MYO19: variants seen among roughly 807,000 people sequenced by gnomAD.
The protein encoded by MYO19 is unconventional myosin-XIX.
A neutral mutation model predicts 129.2 loss-of-function variants in MYO19; 132 were observed. The observed-to-expected ratio is 1.02, with a 90% CI of 0.89 to 1.18. The LOEUF is 1.18. Ranked by LOEUF, MYO19 falls within the 50% of genes most tolerant of loss-of-function variation. MYO19 has a pLI of 0.00. For missense variants in MYO19, 1,210 were observed against 1,216.7 expected (o/e 0.99, Z 0.08); for synonymous variants, 531 against 477.2 (o/e 1.11, Z -1.47).
Position 36,528,098 on chromosome 17 carries a change from G to C in MYO19, c.117C>G (p.Asp39Glu). 1 of 1,613,968 alleles carries C rather than the reference G, an allele frequency of 6.2e-7. No individual in the cohort carries two copies. Among genetic ancestry groups the C allele is most frequent in the Non-Finnish European group, 8.5e-7 (1 of 1,179,854 alleles). The change falls in exon 4 of 26, where the codon GAC (aspartate) becomes GAG (glutamate). Residue 39 changes from aspartate to glutamate, a missense_variant. Physicochemically the swap from Asp to Glu is conservative, Grantham distance 45. Coordinates refer to ENST00000614623, the MANE Select transcript of MYO19 (RefSeq NM_001163735.2). ...GGEVLLYKLD[D>E]LTRVNPVTLE... is the part of the protein sequence containing the mutation. ...GTGTCACAGGATTCACCCTGGTGAG[G>C]TCATCCAGTTTGTACAGCAGGACCT...
At chr17:36,496,744 G>A (rs1342641209) in intron 25 of MYO19, among the ~76,000 whole-genome samples, 1 of 152,086 alleles carries the variant, frequency 6.6e-6, no homozygotes, top group African/African-American at 2.4e-5. Flanking sequence ...ATGGAAATTT[G>A]GTGTTTCCTT....
chr17:36,527,685 G>C lies in MYO19; in HGVS notation c.166C>G (p.Gln56Glu). ...AATGTGTCTGCCATGTACCGGGCCT[G>C]CAGGCACCTCAGGACTGAGGCAGAG... The part of the protein sequence containing the change: ...VTLETVLRCL[Q>E]ARYMADTFYT... Residue 56 changes from glutamine to glutamate, a missense_variant, in exon 5 of 26, where the codon CAG becomes GAG. Gln to Glu is a conservative substitution (Grantham distance 29, BLOSUM62 2). Transcript: ENST00000614623. The C allele has an allele frequency of 2.5e-6, 4 of 1,613,086 alleles. No homozygotes were observed. The highest frequency in any genetic ancestry group is 3.4e-6 in the Non-Finnish European group (4 of 1,179,494).
chr17:36,505,243 G>C lies in MYO19; in HGVS notation c.1905+54C>G, dbSNP rs2071799623. ...GATGTCCTGCCCTTCATCTCTCCAG[G>C]GCCTTGGCCAGATGGGGTTTGGTGC... On this transcript the variant is annotated intron_variant, in intron 19 of 25. Coordinates refer to ENST00000614623, the MANE Select transcript of MYO19 (RefSeq NM_001163735.2). The C allele has an allele frequency of 7.4e-6, 11 of 1,478,694 alleles. No individual in the cohort carries two copies. The South Asian group carries it at 1.2e-4, about 17-fold the overall frequency. The allele number at this position is 1,478,694 out of a possible 1,614,324, so 91.6% of individuals were successfully genotyped here.
intron 5 of MYO19, among the ~76,000 whole-genome samples, chr17:36,525,988 C>T (rs1436778088): frequency 6.6e-6 from 1 of 152,206 alleles, no homozygotes; most frequent in African/African-American, 2.4e-5. Flanking sequence ...GATACCTCAT[C>T]ACGCATGAAC....
At chr17:36,533,252 C>G (rs1045292442) in intron 2 of MYO19, 2 of 152,482 alleles carry the variant, frequency 1.3e-5, no homozygotes, top group African/African-American at 4.8e-5. Context: ...AAGTACGAAT[C>G]TGAGTATTCA....
intron 20 of MYO19, 141 bp from the exon 21 acceptor site, chr17:36,503,341 T>A: frequency 1.4e-6 from 1 of 713,936 alleles, no homozygotes; most frequent in African/African-American, 1.8e-5. Context: ...CCCCACTGAA[T>A]GTGAATGTGG....
chr17:36,505,264 G>A, intron 19 of MYO19, 33 bp downstream of exon 19: 3 of 1,576,000 alleles, frequency 1.9e-6, no homozygotes, highest in Non-Finnish European at 2.6e-6. Context: ...GATGGGGTTT[G>A]GTGCGAAGCA....
rs374264952 is a variant in MYO19 at position 36,507,430 on chromosome 17, C to G, written c.1436G>C (p.Ser479Thr). 1.2e-6 allele frequency: 2 copies of G among 1,613,660 alleles called. No homozygotes were observed. The highest frequency in any genetic ancestry group is 1.7e-6 in the Non-Finnish European group (2 of 1,179,848). Residue 479 changes from serine (S) to threonine (T), a missense_variant, in exon 16 of 26, where the codon AGC becomes ACC. By Grantham distance (58) the Ser-to-Thr change is moderately conservative. Transcript: ENST00000614623. ...NQPCLDLIEG[S>T]PISICSLINE... ...TATGAGGGAGCAGATGCTGATGGGG[C>G]TTCCCTCAATGAGATCCAAACAGGG...
At chr17:36,517,768 G>C (rs1292467666) in intron 6 of MYO19, among the ~76,000 whole-genome samples, 1 of 152,062 alleles carries the variant, frequency 6.6e-6, no homozygotes, top group Non-Finnish European at 1.5e-5. Flanking sequence ...TTTGGAGAAG[G>C]GATCTTCGGG....
intron 6 of MYO19, among the ~76,000 whole-genome samples, chr17:36,518,888 A>G (rs1204783951): frequency 2.0e-5 from 3 of 152,104 alleles, no homozygotes; most frequent in South Asian, 2.1e-4. Flanking sequence ...TAATTTCCCA[A>G]TGTTTTAGGA....
At chr17:36,544,450 TC>T (rs2074224803), upstream of MYO19, among the ~76,000 whole-genome samples, 1 of 152,116 alleles carries the variant, frequency 6.6e-6, no homozygotes, top group East Asian at 1.9e-4. Context: ...GATGCTCGTC[TC>T]CCTTTTCTCA....
At chr17:36,516,730 T>C (rs2072776624) in intron 6 of MYO19, among the ~76,000 whole-genome samples, 1 of 152,242 alleles carries the variant, frequency 6.6e-6, no homozygotes, top group Non-Finnish European at 1.5e-5. Flanking sequence ...TATACTTTCA[T>C]TTTAACTTCT....
In MYO19 at chr17:36,510,908, C is replaced by T. The variant is rs1027135739; in HGVS notation, c.995G>A (p.Arg332Lys). 1.2e-5 allele frequency: 19 copies of T among 1,573,738 alleles called. No individual in the cohort carries two copies. Among genetic ancestry groups the T allele is most frequent in the Non-Finnish European group, 1.3e-5 (15 of 1,159,296 alleles). The change falls in exon 13 of 26, where the codon AGG becomes AAG. Residue 332 changes from arginine to lysine, a missense_variant. Transcript: ENST00000614623. Reference protein sequence around the residue: ...QPMDDAKYSVRTAASLLGLPE... With the variant: ...QPMDDAKYSVKTAASLLGLPE... The stretch of plus-strand genomic sequence containing the variant: ...GAGCCCCAGCAGCGAGGCTGCCGTC[C>T]TGACAGAGTCTGGGAGGGGCAAATC...
intron 5 of MYO19, 78 bp from the exon 6 acceptor site, chr17:36,525,419 T>A: frequency 1.9e-6 from 2 of 1,078,568 alleles, no homozygotes; most frequent in Non-Finnish European, 2.8e-6. Context: ...ATGACTGAGA[T>A]GGGGAGGCTG....
At chr17:36,524,618 A>T (rs960745958) in intron 6 of MYO19, among the ~76,000 whole-genome samples, 1 of 152,138 alleles carries the variant, frequency 6.6e-6, no homozygotes, top group East Asian at 1.9e-4. Flanking sequence ...GTCCTCCCCA[A>T]CACCTGGCCC....
rs761760215 is a variant in MYO19 at position 36,506,649 on chromosome 17, G to A, written c.1645-41C>T. ...AAGAGCAGCAGTGAGGGCAGGTGGA[G>A]CTTCTGCTCAGGGCCATCCACTGCC... On this transcript the variant is annotated intron_variant, in intron 17 of 25. Coordinates refer to ENST00000614623, the MANE Select transcript of MYO19 (RefSeq NM_001163735.2). 2.0e-6 allele frequency: 3 copies of A among 1,511,292 alleles called. No individual in the cohort carries two copies. In the African/African-American group the frequency reaches 4.2e-5, roughly 21 times the overall value. 93.6% of individuals were successfully genotyped at this position (1,511,292 alleles called of 1,614,324 possible). A position where few individuals can be genotyped will look rare whatever the true frequency, so the allele number is the denominator to read the frequency against.
intron 6 of MYO19, among the ~76,000 whole-genome samples, chr17:36,520,379 G>A (rs1172420295): frequency 1.3e-5 from 2 of 152,070 alleles, no homozygotes; most frequent in African/African-American, 4.8e-5. Context: ...GAGCTTTTTG[G>A]ATCTGTGCTT....
chr17:36,512,387 C>T (rs2072411949), intron 11 of MYO19, among the ~76,000 whole-genome samples: 1 of 137,106 alleles, frequency 7.3e-6, no homozygotes, highest in Non-Finnish European at 1.5e-5. Context: ...AAAACTCCAT[C>T]TCAAAAAAAA....
Position 36,499,461 on chromosome 17 carries a change from C to T in MYO19, c.2378-301G>A, listed in dbSNP as rs183393431. 33 of 249,768 alleles carry T rather than the reference C, an allele frequency of 1.3e-4. 1 individual carries two copies. The East Asian group carries it at 2.0e-3, about 15-fold the overall frequency. 15.5% of individuals were successfully genotyped at this position (249,768 alleles called of 1,614,324 possible). The stretch of plus-strand genomic sequence containing the variant: ...GTCTCAGGCTGGGTCCAGGTCAGCA[C>T]CCAGGGAATGGGAGGGGTCTGGATT... On this transcript the variant is annotated intron_variant, in intron 23 of 25. Coordinates refer to ENST00000614623, the MANE Select transcript of MYO19 (RefSeq NM_001163735.2).
Sources: gnomAD v4.1 joint callset for allele counts (sites outside exome capture counted in the v4.1 genomes callset) on GRCh38, gnomAD v4.1.1 for gene constraint, MANE v1.5 for transcripts, NCBI Gene and HGNC (gene_info 2026-07-23, HGNC 2026-07-21) for gene names.